The following HSD17B12 variants were observed in gnomAD, a reference collection of about 807,000 sequenced individuals.
HSD17B12 encodes hydroxysteroid 17-beta dehydrogenase 12, also known as very-long-chain 3-oxoacyl-CoA reductase.
A neutral mutation model predicts 39.3 loss-of-function variants in HSD17B12; 32 were observed. The ratio of observed to expected loss-of-function variants is 0.81; its 90% CI spans 0.61 to 1.09. HSD17B12 has a LOEUF of 1.09. Ranked by LOEUF, HSD17B12 falls within the 50% of genes least tolerant of loss-of-function variation. The probability of loss-of-function intolerance (pLI) is 0.00; values close to 1 mark genes in which losing one functional copy is unlikely to be tolerated. For synonymous variants in HSD17B12, 150 were observed against 146.7 expected (o/e 1.02, Z -0.16); for missense variants, 342 against 382.9 (o/e 0.89, Z 0.89).
intron 1 of HSD17B12, among the ~76,000 whole-genome samples, chr11:43,738,502 T>C (rs1170143685): frequency 6.6e-6 from 1 of 152,158 alleles, no homozygotes; most frequent in African/African-American, 2.4e-5. Flanking sequence ...CTTCTCTCTG[T>C]TAAAGTTCTT....
chr11:43,718,635 C>T (rs1241546535), intron 1 of HSD17B12: 3 of 655,544 alleles, frequency 4.6e-6, no homozygotes, highest in African/African-American at 1.8e-5. Flanking sequence ...AGTCTCTTAC[C>T]CCATGTATCA....
intron 4 of HSD17B12, among the ~76,000 whole-genome samples, chr11:43,798,970 G>T (rs528526967): frequency 1.3e-5 from 2 of 151,878 alleles, no homozygotes; most frequent in Middle Eastern, 3.2e-3. Flanking sequence ...TTTTTGACCC[G>T]TCACTGGTTG....
chr11:43,755,013 G>C (rs1207722158), intron 3 of HSD17B12: 1 of 596,508 alleles, frequency 1.7e-6, no homozygotes, highest in Non-Finnish European at 3.0e-6. Flanking sequence ...CTGACCATTT[G>C]TGGCCAGGAA....
chr11:43,835,790 T>A (rs768075556), intron 7 of HSD17B12, among the ~76,000 whole-genome samples: 18 of 152,258 alleles, frequency 1.2e-4, no homozygotes, highest in Non-Finnish European at 2.2e-4. Flanking sequence ...CTCCTAGAAG[T>A]TTTCAATAGG....
At chr11:43,720,258 C>T (rs1038335423) in intron 1 of HSD17B12, among the ~76,000 whole-genome samples, 7 of 152,210 alleles carry the variant, frequency 4.6e-5, no homozygotes, top group Non-Finnish European at 7.3e-5. Context: ...TTATTTCTCT[C>T]TTCTCCATAC....
intron 1 of HSD17B12, among the ~76,000 whole-genome samples, chr11:43,693,407 C>G (rs1949880929): frequency 1.3e-5 from 2 of 152,132 alleles, no homozygotes; most frequent in African/African-American, 4.8e-5. Context: ...TATACAAGAG[C>G]CTAAACTCTT....
At chr11:43,624,952 C>A in the HSD17B12 span, among the ~76,000 whole-genome samples, 87 of 151,760 alleles carry the variant, frequency 5.7e-4, no homozygotes, top group African/African-American at 2.1e-3. Flanking sequence ...AAAAAGGGAG[C>A]TTAGAATTTA....
At chr11:43,558,281 G>A in the HSD17B12 span, among the ~76,000 whole-genome samples, 3 of 152,042 alleles carry the variant, frequency 2.0e-5, no homozygotes, top group Non-Finnish European at 4.4e-5. Context: ...ATCCCCCAGA[G>A]GTCTGAAAAG....
chr11:43,659,958 C>CT, the HSD17B12 span, among the ~76,000 whole-genome samples: 3 of 152,068 alleles, frequency 2.0e-5, no homozygotes, highest in African/African-American at 7.2e-5. Flanking sequence ...ATTTTCAGCA[C>CT]TTTAGAACCT....
chr11:43,839,276 T>C (rs1951401001), intron 8 of HSD17B12, among the ~76,000 whole-genome samples: 1 of 152,174 alleles, frequency 6.6e-6, no homozygotes, highest in African/African-American at 2.4e-5. Context: ...CCCTACAATC[T>C]ACTTTCTGTA....
intron 3 of HSD17B12, among the ~76,000 whole-genome samples, chr11:43,768,615 G>A (rs1356281180): frequency 6.6e-6 from 1 of 152,216 alleles, no homozygotes; most frequent in Non-Finnish European, 1.5e-5. Flanking sequence ...TGGGTTCATG[G>A]TCTTGCTGAC....
chr11:43,798,283 C>T, intron 3 of HSD17B12, 37 bp from the exon 4 acceptor site: 2 of 1,246,516 alleles, frequency 1.6e-6, no homozygotes, highest in East Asian at 2.3e-5. Context: ...TACTAATTTT[C>T]CCTGTCTCTC....
At chr11:43,799,769 G>T (rs555203716) in intron 4 of HSD17B12, among the ~76,000 whole-genome samples, 1 of 152,196 alleles carries the variant, frequency 6.6e-6, no homozygotes. Flanking sequence ...TCCTATAAAA[G>T]AATGGTCTTT....
intron 1 of HSD17B12, among the ~76,000 whole-genome samples, chr11:43,745,715 A>C (rs1188633378): frequency 6.6e-6 from 1 of 152,186 alleles, no homozygotes; most frequent in Non-Finnish European, 1.5e-5. Flanking sequence ...ACATAGAAAA[A>C]GTACAGTAAA....
intron 3 of HSD17B12, among the ~76,000 whole-genome samples, chr11:43,758,588 A>C (rs1414048429): frequency 6.6e-6 from 1 of 152,188 alleles, no homozygotes; most frequent in African/African-American, 2.4e-5. Context: ...TATAAAACAT[A>C]AAACTTTTTA....
chr11:43,710,985 G>T (rs183961800), intron 1 of HSD17B12, among the ~76,000 whole-genome samples: 2 of 152,216 alleles, frequency 1.3e-5, no homozygotes, highest in East Asian at 1.9e-4. Context: ...TAGAGATAGG[G>T]TTTCACTATG....
the HSD17B12 span, among the ~76,000 whole-genome samples, chr11:43,597,766 C>T: frequency 1.3e-5 from 2 of 152,282 alleles, no homozygotes; most frequent in South Asian, 4.1e-4. Flanking sequence ...TCCCGAGGAG[C>T]TGGAACTACA....
At chr11:43,565,727 T>A in the HSD17B12 span, among the ~76,000 whole-genome samples, 2 of 152,254 alleles carry the variant, frequency 1.3e-5, no homozygotes, top group Admixed American at 6.5e-5. Flanking sequence ...ATGTAATGAC[T>A]CCCTTTTGTT....
intron 1 of HSD17B12, among the ~76,000 whole-genome samples, chr11:43,729,249 C>T (rs760470777): frequency 1.3e-5 from 2 of 152,114 alleles, no homozygotes; most frequent in Non-Finnish European, 2.9e-5. Context: ...AAAATGAGGA[C>T]TATTGTACAT....
Sources: allele counts gnomAD v4.1 joint callset (sites outside exome capture counted in the v4.1 genomes callset), GRCh38; gene constraint gnomAD v4.1.1; transcripts MANE v1.5; gene names NCBI Gene and HGNC (gene_info 2026-07-23, HGNC 2026-07-21).